Variants in SHC2 observed in about 807,000 individuals in gnomAD.
The protein encoded by SHC2 is SHC adaptor protein 2, also known as SHC-transforming protein 2.
A neutral mutation model predicts 60.6 loss-of-function variants in SHC2; 62 were observed. That is an observed-to-expected ratio of 1.02 (90% CI 0.83 to 1.26). The LOEUF is 1.26. SHC2 is among the 50% of genes most tolerant of loss of function. SHC2 has a pLI of 0.00. For synonymous variants in SHC2, 375 were observed against 372.4 expected (o/e 1.01, Z -0.08); for missense variants, 873 against 822.2 (o/e 1.06, Z -0.76).
rs946740048 is a variant in SHC2, at chr19:446,620, A to G, written c.469-5688T>C. On this transcript the variant is annotated intron_variant, in intron 1 of 12. Coordinates refer to ENST00000264554, the MANE Select transcript of SHC2 (RefSeq NM_012435.3). This position sits in a 1 kb window ranked among gnomAD's most constrained non-coding sequence, Gnocchi z 5.4. ...GCGCCCGGCTGTCTGTGTTGTTTTA[A>G]GCCCCACAGTTTGTGGTGGTTTGTG... Among the ~76,000 whole-genome samples, 1 of 152,150 alleles carries G rather than the reference A, an allele frequency of 6.6e-6. No individual in the cohort carries two copies. The highest frequency in any genetic ancestry group is 1.5e-5 in the Non-Finnish European group (1 of 68,032).
intron 8 of SHC2, among the ~76,000 whole-genome samples, chr19:433,342 G>A (rs372656993): frequency 1.3e-3 from 12 of 8,984 alleles, no homozygotes; most frequent in South Asian, 0.021. Context: ...GATAGATGGC[G>A]CTTCATCGTG....
Position 425,672 on chromosome 19 carries a change from G to T in SHC2, c.1175-441C>A, listed in dbSNP as rs1008925443. ...TGACGCACGGAGGGTCACTTATTCT[G>T]ACTCAGTTCTATTTCAGGATTTTCC... On this transcript the variant is annotated intron_variant, in intron 9 of 12. Transcript: ENST00000264554. This position sits in a 1 kb window ranked among gnomAD's most constrained non-coding sequence, Gnocchi z 4.1. Among the ~76,000 whole-genome samples the T allele has an allele frequency of 1.3e-5, 2 of 152,204 alleles. No homozygotes were observed. Among genetic ancestry groups the T allele is most frequent in the South Asian group, 4.1e-4 (2 of 4,824 alleles).
In SHC2 at chr19:441,037, C is replaced by G. The variant is rs1412796947; in HGVS notation, c.469-105G>C. ...CGCCTCCACCACCCCTGGGGTCGAGCCCTTTCCTCTGTCCCTGGTGGCTCT... is the reference window on the plus strand; with the variant it reads ...CGCCTCCACCACCCCTGGGGTCGAGGCCTTTCCTCTGTCCCTGGTGGCTCT... On this transcript the variant is annotated intron_variant, in intron 1 of 12. Transcript: ENST00000264554. The surrounding 1 kb of genome is among the most constrained non-coding windows in gnomAD (Gnocchi z 4.9). 2 of 1,528,496 alleles carry G rather than the reference C, an allele frequency of 1.3e-6. No individual in the cohort carries two copies. Among genetic ancestry groups the G allele is most frequent in the Admixed American group, 1.7e-5 (1 of 57,796 alleles). The allele number at this position is 1,528,496 out of a possible 1,614,324, so 94.7% of individuals were successfully genotyped here.
rs767194566 is a variant in SHC2, at chr19:441,974, A to G, written c.469-1042T>C. The stretch of plus-strand genomic sequence containing the variant: ...GCCGGCCCAGGCTCTGCCCCTCTCC[A>G]CGGCTCCATGTACCTGGAGCAGGGA... On this transcript the variant is annotated intron_variant, in intron 1 of 12. Coordinates refer to ENST00000264554, the MANE Select transcript of SHC2 (RefSeq NM_012435.3). The surrounding 1 kb of genome is among the most constrained non-coding windows in gnomAD (Gnocchi z 4.9). 2.7e-4 allele frequency among the ~76,000 whole-genome samples: 41 copies of G among 152,116 alleles called. No individual in the cohort carries two copies. Among genetic ancestry groups the G allele is most frequent in the Non-Finnish European group, 5.9e-5 (4 of 68,010 alleles).
intron 5 of SHC2, 44 bp downstream of exon 5, chr19:436,586 G>A (rs766380531): frequency 6.3e-7 from 1 of 1,591,894 alleles, no homozygotes; most frequent in East Asian, 2.3e-5. Context: ...CGCGGCCGGA[G>A]GGGGGCGGCA....
rs1975041489 is a variant in SHC2 at position 445,985 on chromosome 19, G to A, written c.469-5053C>T. Among the ~76,000 whole-genome samples, 1 of 152,054 alleles carries A rather than the reference G, an allele frequency of 6.6e-6. No individual in the cohort carries two copies. Among genetic ancestry groups the A allele is most frequent in the Non-Finnish European group, 1.5e-5 (1 of 68,014 alleles). ...CAGGAGAATCATTTGAACCCAGGAG[G>A]CGGAGGCTGCAGAGAGCCAAGATCA... On this transcript the variant is annotated intron_variant, in intron 1 of 12. Transcript: ENST00000264554. This position sits in a 1 kb window ranked among gnomAD's most constrained non-coding sequence, Gnocchi z 4.4.
At chr19:419,135 C>T (rs1974215447) in intron 11 of SHC2, 79 bp from the exon 12 acceptor site, 13 of 1,464,844 alleles carry the variant, frequency 8.9e-6, no homozygotes, top group Non-Finnish European at 1.2e-5. Context: ...TTCTGGGGTC[C>T]TGCCGGGGAG....
At chr19:452,449 A>G (rs4919816) in intron 1 of SHC2, among the ~76,000 whole-genome samples, 2,122 of 83,124 alleles carry the variant, frequency 0.026, 328 homozygotes, top group Non-Finnish European at 0.039. Flanking sequence ...ATTCCTGCAT[A>G]GGTGTGCGTT....
intron 1 of SHC2, among the ~76,000 whole-genome samples, chr19:447,122 G>C (rs1055504552): frequency 6.6e-6 from 1 of 152,218 alleles, no homozygotes; most frequent in Admixed American, 6.5e-5. Flanking sequence ...GGGTCCATCC[G>C]CACTCTGGAA....
chr19:455,585 G>A (rs574328855), intron 1 of SHC2, among the ~76,000 whole-genome samples: 19 of 152,368 alleles, frequency 1.2e-4, no homozygotes, highest in Non-Finnish European at 4.4e-5. Context: ...GTTCTGCGAT[G>A]CCGGCTGAGT....
In SHC2 at chr19:440,792, G is replaced by A. The variant is rs546084681; in HGVS notation, c.539+70C>T. On this transcript the variant is annotated intron_variant, in intron 2 of 12. Transcript: ENST00000264554. The surrounding 1 kb of genome is among the most constrained non-coding windows in gnomAD (Gnocchi z 7.0). ...GGCTGTCGGAGAGCCCATCGCTGCC[G>A]CCCTCCAGTGCTGCCGCCCTCCAGT... The A allele has an allele frequency of 2.6e-4, 353 of 1,359,726 alleles. No homozygotes were observed. The highest frequency in any genetic ancestry group is 3.8e-4 in the Middle Eastern group (2 of 5,254). 84.2% of individuals were successfully genotyped at this position (1,359,726 alleles called of 1,614,324 possible). A position where few individuals can be genotyped will look rare whatever the true frequency, so the allele number is the denominator to read the frequency against.
Position 460,511 on chromosome 19 carries a change from G to T in SHC2, c.468+18C>A. ...GGCCGCCGCGAACGGGCTCCCGGGG[G>T]GGGTGGGGGGGACTCACCCGCACGA... is the stretch of plus-strand genomic sequence containing the variant. On this transcript the variant is annotated intron_variant, in intron 1 of 12. Coordinates refer to ENST00000264554, the MANE Select transcript of SHC2 (RefSeq NM_012435.3). The T allele has an allele frequency of 1.6e-6, 2 of 1,234,322 alleles. No homozygotes were observed. Among genetic ancestry groups the T allele is most frequent in the Non-Finnish European group, 2.1e-6 (2 of 974,126 alleles). The allele number at this position is 1,234,322 out of a possible 1,614,324, so 76.5% of individuals were successfully genotyped here.
In SHC2 at chr19:424,526, C is replaced by G. The variant is rs1392169816; in HGVS notation, c.1309+571G>C. Among the ~76,000 whole-genome samples the G allele has an allele frequency of 1.3e-5, 2 of 152,180 alleles. No individual in the cohort carries two copies. The highest frequency in any genetic ancestry group is 4.8e-5 in the African/African-American group (2 of 41,452). The stretch of plus-strand genomic sequence containing the variant: ...GGCCGGGATTCCCACAGAGAAAAGA[C>G]GAGGCCTCCCCTCTCAGACTAAGGA... On this transcript the variant is annotated intron_variant, in intron 10 of 12. Coordinates refer to ENST00000264554, the MANE Select transcript of SHC2 (RefSeq NM_012435.3). This position sits in a 1 kb window ranked among gnomAD's most constrained non-coding sequence, Gnocchi z 4.5.
In SHC2 at chr19:424,516, A is replaced by G. The variant is rs1167344419; in HGVS notation, c.1309+581T>C. Among the ~76,000 whole-genome samples, 2 of 152,198 alleles carry G rather than the reference A, an allele frequency of 1.3e-5. No individual in the cohort carries two copies. The highest frequency in any genetic ancestry group is 2.9e-5 in the Non-Finnish European group (2 of 68,030). ...CGTCCCAGCAGGCCGGGATTCCCAC[A>G]GAGAAAAGACGAGGCCTCCCCTCTC... On this transcript the variant is annotated intron_variant, in intron 10 of 12. Transcript: ENST00000264554. This position sits in a 1 kb window ranked among gnomAD's most constrained non-coding sequence, Gnocchi z 4.5.
intron 12 of SHC2, among the ~76,000 whole-genome samples, chr19:417,821 G>C (rs1481323238): frequency 6.6e-6 from 1 of 152,092 alleles, no homozygotes; most frequent in Non-Finnish European, 1.5e-5. Context: ...GGCCTGGCTG[G>C]GGGCTGGGTG....
chr19:439,015 C>T lies in SHC2; in HGVS notation c.555G>A (p.Arg185=). ...GGACGCCAGGCACGGCCTCATGGAG[C>T]CGGTTGATGGCTTCCCTGGGGTTGG... is the stretch of plus-strand genomic sequence containing the variant. ...RTQVTREAIN[R]LHEAVPGVRG... Residue 185 remains arginine (R), a synonymous_variant, in exon 3 of 13, where the codon CGG becomes CGA. Coordinates refer to ENST00000264554, the MANE Select transcript of SHC2 (RefSeq NM_012435.3). 6.3e-7 allele frequency: 1 copy of T among 1,588,940 alleles called. No individual in the cohort carries two copies. The highest frequency in any genetic ancestry group is 1.1e-5 in the South Asian group (1 of 87,908).
intron 4 of SHC2, 59 bp from the exon 5 acceptor site, chr19:436,742 G>T: frequency 6.7e-7 from 1 of 1,493,720 alleles, no homozygotes; most frequent in Non-Finnish European, 9.1e-7. Context: ...CAGGGGGCCC[G>T]GCAGATGGAC....
rs1974308940 is a variant in SHC2, at chr19:422,617, C to T, written c.1310-161G>A. The T allele has an allele frequency of 6.3e-6, 4 of 635,182 alleles. No homozygotes were observed. The highest frequency in any genetic ancestry group is 1.1e-5 in the Non-Finnish European group (4 of 373,870). The allele number at this position is 635,182 out of a possible 1,614,324, so 39.3% of individuals were successfully genotyped here. A position where few individuals can be genotyped will look rare whatever the true frequency, so the allele number is the denominator to read the frequency against. Reference sequence around the variant, plus strand: ...CGTATCAGACTCGCACTCTGCCCAGCCCCGTGCGTGCGGTGGGCTCACATG... The same window carrying T: ...CGTATCAGACTCGCACTCTGCCCAGTCCCGTGCGTGCGGTGGGCTCACATG... On this transcript the variant is annotated intron_variant, in intron 10 of 12. Transcript: ENST00000264554. This position sits in a 1 kb window ranked among gnomAD's most constrained non-coding sequence, Gnocchi z 5.0.
rs142335411 is a variant in SHC2, at chr19:419,000, C to T, written c.1677G>A (p.Leu559=). The change falls in exon 12 of 13, where the codon CTG becomes CTA. Residue 559 remains leucine (L), a synonymous_variant. Coordinates refer to ENST00000264554, the MANE Select transcript of SHC2 (RefSeq NM_012435.3). ...CGGCCACGATGGGCTGCCCGTTCTG[C>T]AGGTGGTGGTCGATCAGGTGGCTGA... ...ESISHLIDHH[L]QNGQPIVAAE... is the part of the protein sequence containing the mutation. 8.8e-6 allele frequency: 14 copies of T among 1,587,432 alleles called. No individual in the cohort carries two copies. The highest frequency in any genetic ancestry group is 1.2e-5 in the Non-Finnish European group (14 of 1,167,458).
Sources: gnomAD v4.1 joint callset for allele counts (sites outside exome capture counted in the v4.1 genomes callset) on GRCh38, gnomAD v4.1.1 for gene constraint, Gnocchi (gnomAD v3.1) non-coding constraint, MANE v1.5 for transcripts, NCBI Gene and HGNC (gene_info 2026-07-23, HGNC 2026-07-21) for gene names.